Variants in ROBO1 observed in about 807,000 individuals in gnomAD.
ROBO1 encodes roundabout guidance receptor 1, also known as roundabout homolog 1.
Under a neutral mutation model 195.9 loss-of-function variants are expected in ROBO1, and 149 were observed. The ratio of observed to expected loss-of-function variants is 0.76; its 90% confidence interval spans 0.67 to 0.87. The LOEUF is 0.87. Ranked by LOEUF, ROBO1 falls within the 40% of genes least tolerant of loss-of-function variation. The probability of loss-of-function intolerance (pLI) is 0.00; values close to 1 mark genes in which losing one functional copy is unlikely to be tolerated. For missense variants in ROBO1, 1,933 were observed against 2,068.3 expected (o/e 0.93, Z 1.27); for synonymous variants, 816 against 733.2 (o/e 1.11, Z -1.82).
At chr3:78,980,704 G>A (rs994267159) in intron 3 of ROBO1, among the ~76,000 whole-genome samples, 2 of 152,048 alleles carry the variant, frequency 1.3e-5, no homozygotes, top group African/African-American at 4.8e-5. Flanking sequence ...TCCATCTTAT[G>A]TGGAACTTAG....
chr3:79,451,223 A>C (rs4600789), intron 2 of ROBO1, among the ~76,000 whole-genome samples: 45 of 152,220 alleles, frequency 3.0e-4, no homozygotes, highest in South Asian at 1.0e-3. Flanking sequence ...TATATTTATA[A>C]TCATTTAAAA....
intron 2 of ROBO1, among the ~76,000 whole-genome samples, chr3:79,331,880 T>C (rs1049341047): frequency 2.6e-5 from 4 of 152,122 alleles, no homozygotes; most frequent in Admixed American, 6.5e-5. Context: ...CGGTGGCTCA[T>C]GCCTGTAATC....
chr3:79,126,966 G>A (rs1455832), intron 2 of ROBO1, among the ~76,000 whole-genome samples: 116,537 of 150,696 alleles, frequency 0.77, 45,215 homozygotes, highest in African/African-American at 0.85. Context: ...CCTCCTTCCC[G>A]TAAGTGTCGC....
intron 14 of ROBO1, among the ~76,000 whole-genome samples, 173 bp downstream of exon 14, chr3:78,667,710 A>G (rs1296383437): frequency 6.6e-6 from 1 of 152,200 alleles, no homozygotes; most frequent in Non-Finnish European, 1.5e-5. Flanking sequence ...CCAGAAAATA[A>G]TAAAGTTTGT....
intron 8 of ROBO1, among the ~76,000 whole-genome samples, chr3:78,713,577 A>C (rs1207731825): frequency 6.6e-6 from 1 of 152,178 alleles, no homozygotes; most frequent in African/African-American, 2.4e-5. Context: ...AAGAAAAAAA[A>C]ATAGAGGAAA....
chr3:78,971,990 A>T (rs960026618), intron 3 of ROBO1, among the ~76,000 whole-genome samples: 1 of 152,034 alleles, frequency 6.6e-6, no homozygotes, highest in Non-Finnish European at 1.5e-5. Flanking sequence ...CTGGTCTCGA[A>T]CTCCTGACCT....
At chr3:79,147,067 G>A (rs1404954067) in intron 2 of ROBO1, among the ~76,000 whole-genome samples, 1 of 151,930 alleles carries the variant, frequency 6.6e-6, no homozygotes, top group Non-Finnish European at 1.5e-5. Context: ...AAACTAGATA[G>A]CTGCATAACA....
intron 4 of ROBO1, among the ~76,000 whole-genome samples, chr3:78,824,025 C>T (rs1156692384): frequency 1.3e-5 from 2 of 152,182 alleles, no homozygotes; most frequent in African/African-American, 4.8e-5. Context: ...ACAGGTATGA[C>T]TTGCTGCATT....
At chr3:79,679,043 C>G (rs905634745) in intron 1 of ROBO1, among the ~76,000 whole-genome samples, 3 of 151,932 alleles carry the variant, frequency 2.0e-5, no homozygotes, top group Non-Finnish European at 4.4e-5. Flanking sequence ...ATATTAAAAT[C>G]ATATGGATAT....
chr3:78,912,790 A>G (rs2038324499), intron 4 of ROBO1, among the ~76,000 whole-genome samples: 1 of 152,160 alleles, frequency 6.6e-6, no homozygotes. Flanking sequence ...ATTAATTTTC[A>G]AATGATCACA....
At chr3:78,775,391 T>G (rs2083479287) in intron 4 of ROBO1, among the ~76,000 whole-genome samples, 1 of 152,078 alleles carries the variant, frequency 6.6e-6, no homozygotes, top group Admixed American at 6.6e-5. Flanking sequence ...TAATACATTT[T>G]ATTCTATTAA....
intron 3 of ROBO1, among the ~76,000 whole-genome samples, chr3:78,972,160 T>C (rs2076783616): frequency 6.6e-6 from 1 of 152,228 alleles, no homozygotes; most frequent in Non-Finnish European, 1.5e-5. Context: ...GAGTTAATTC[T>C]CACACAGATG....
At chr3:79,060,229 T>C (rs558809142) in intron 3 of ROBO1, among the ~76,000 whole-genome samples, 1 of 152,126 alleles carries the variant, frequency 6.6e-6, no homozygotes, top group Admixed American at 6.6e-5. Context: ...CCTGTTAAGA[T>C]GTTTATCAAT....
chr3:79,195,012 G>A (rs1418491315), intron 2 of ROBO1, among the ~76,000 whole-genome samples: 2 of 151,646 alleles, frequency 1.3e-5, no homozygotes, highest in African/African-American at 4.8e-5. Flanking sequence ...GGTAGCCCAT[G>A]GAGTCTCTGT....
intron 17 of ROBO1, among the ~76,000 whole-genome samples, chr3:78,658,567 C>A (rs1372259468): frequency 6.6e-6 from 1 of 152,200 alleles, no homozygotes; most frequent in Non-Finnish European, 1.5e-5. Context: ...CAGGCGTGAG[C>A]CACAGCGCCC....
At chr3:79,243,403 C>A (rs1217949261) in intron 2 of ROBO1, among the ~76,000 whole-genome samples, 2 of 152,056 alleles carry the variant, frequency 1.3e-5, no homozygotes, top group Admixed American at 6.6e-5. Flanking sequence ...CCTGAGGAAT[C>A]GCCACACTGT....
intron 2 of ROBO1, among the ~76,000 whole-genome samples, chr3:79,499,892 C>T (rs1483111950): frequency 6.6e-6 from 1 of 152,088 alleles, no homozygotes; most frequent in East Asian, 1.9e-4. Context: ...CTGCAACCTC[C>T]GCCTCCCTGG....
intron 2 of ROBO1, among the ~76,000 whole-genome samples, chr3:79,565,449 A>G (rs1406654774): frequency 2.6e-5 from 4 of 152,018 alleles, no homozygotes; most frequent in East Asian, 1.9e-4. Flanking sequence ...TAACAGCTAT[A>G]CTATTATTAG....
chr3:78,826,683 A>G (rs1452569096), intron 4 of ROBO1, among the ~76,000 whole-genome samples: 3 of 152,218 alleles, frequency 2.0e-5, no homozygotes, highest in Non-Finnish European at 4.4e-5. Context: ...AGAAGAAAGT[A>G]AAGGGATAGA....
Sources: gnomAD v4.1 joint callset for allele counts (sites outside exome capture counted in the v4.1 genomes callset) on GRCh38, gnomAD v4.1.1 for gene constraint, MANE v1.5 for transcripts, NCBI Gene and HGNC (gene_info 2026-07-23, HGNC 2026-07-21) for gene names.